DDX4: variants seen among roughly 807,000 people sequenced by gnomAD.
DDX4 encodes probable ATP-dependent RNA helicase DDX4.
Under a neutral mutation model 100.0 loss-of-function variants are expected in DDX4, and 25 were observed. The observed-to-expected ratio is 0.25, with a 90% confidence interval of 0.18 to 0.35. The LOEUF is 0.35. Among genes scored for constraint, DDX4 ranks in the 10% least tolerant of loss-of-function variants. The pLI, the probability that DDX4 is intolerant of heterozygous loss-of-function variation, is 1.00. For missense variants in DDX4, 635 were observed against 882.4 expected, an observed-to-expected ratio of 0.72 and a Z score of 3.55; for synonymous variants, 259 against 275.7, an observed-to-expected ratio of 0.94 and a Z score of 0.60.
At chr5:55,768,950 C>G (rs187200250) in intron 7 of DDX4, among the ~76,000 whole-genome samples, 3 of 152,242 alleles carry the variant, frequency 2.0e-5, no homozygotes, top group African/African-American at 7.2e-5. Flanking sequence ...TGTCCATTGT[C>G]CACTTTTTAA....
rs146695169 is a variant in DDX4, at chr5:55,755,205, C to T, written c.128-4995C>T. 4.8e-3 allele frequency among the ~76,000 whole-genome samples: 727 copies of T among 152,164 alleles called. 3 individuals carry two copies. The highest frequency in any genetic ancestry group is 8.3e-3 in the Non-Finnish European group (567 of 67,976). On this transcript the variant is annotated intron_variant, in intron 3 of 21. Coordinates refer to ENST00000505374, the MANE Select transcript of DDX4 (RefSeq NM_024415.3). ...TTGGATAAAATCTACAGTTCATTGA[C>T]GAGTAGTAGAAATAACAAACATCTA... is the stretch of plus-strand genomic sequence containing the variant.
intron 18 of DDX4, among the ~76,000 whole-genome samples, chr5:55,807,618 G>A (rs1041486770): frequency 6.6e-6 from 1 of 152,150 alleles, no homozygotes; most frequent in Admixed American, 6.6e-5. Context: ...CTGGGTTGCA[G>A]ATTCTTTTCT....
chr5:55,778,692 C>T (rs978099894), intron 7 of DDX4, among the ~76,000 whole-genome samples: 1 of 151,916 alleles, frequency 6.6e-6, no homozygotes, highest in African/African-American at 2.4e-5. Flanking sequence ...TCAGGAGTTC[C>T]AGACCAGCCT....
intron 16 of DDX4, among the ~76,000 whole-genome samples, chr5:55,792,085 C>A (rs539397146): frequency 4.2e-4 from 59 of 140,280 alleles, no homozygotes; most frequent in Non-Finnish European, 8.0e-4. Context: ...GCTTGTGCCA[C>A]TGCACTCCAG....
intron 18 of DDX4, among the ~76,000 whole-genome samples, chr5:55,810,820 T>TTG (rs1258649224): frequency 6.6e-6 from 1 of 152,074 alleles, no homozygotes; most frequent in Non-Finnish European, 1.5e-5. Flanking sequence ...ACAAAAGGAG[T>TTG]TGTCAGAGGA....
intron 18 of DDX4, among the ~76,000 whole-genome samples, chr5:55,805,232 A>G (rs1743615974): frequency 6.6e-6 from 1 of 152,070 alleles, no homozygotes. Context: ...GGCTGAGACG[A>G]TGGGGTTTTC....
intron 14 of DDX4, 125 bp downstream of exon 14, chr5:55,786,795 A>T: frequency 1.4e-6 from 1 of 729,376 alleles, no homozygotes. Flanking sequence ...ATAAGTATTG[A>T]TGGTTTTGCT....
At chr5:55,802,046 A>G (rs776808942) in intron 18 of DDX4, among the ~76,000 whole-genome samples, 5 of 152,184 alleles carry the variant, frequency 3.3e-5, no homozygotes, top group Non-Finnish European at 5.9e-5. Flanking sequence ...CATTGGTTCC[A>G]TAAGGAAAGC....
rs1293690721 is a variant in DDX4 at position 55,785,337 on chromosome 5, T to C, written c.666T>C (p.Ser222=). 1 of 1,605,486 alleles carries C rather than the reference T, an allele frequency of 6.2e-7. No individual in the cohort carries two copies. The highest frequency in any genetic ancestry group is 2.2e-5 in the East Asian group (1 of 44,742). ...KGLNEEVITG[S]GKNSWKSEAE... is the part of the protein sequence containing the mutation. ...TAAATGAAGAAGTAATAACAGGCTCTGGAAAGAGTAAGTTTTCCTTAAACA... is the reference window on the plus strand; with the variant it reads ...TAAATGAAGAAGTAATAACAGGCTCCGGAAAGAGTAAGTTTTCCTTAAACA... The change falls in exon 11 of 22, where the codon TCT becomes TCC. Residue 222 remains serine, a synonymous_variant. Transcript: ENST00000505374.
intron 14 of DDX4, 42 bp downstream of exon 14, chr5:55,786,712 G>A (rs780763327): frequency 5.8e-6 from 9 of 1,545,856 alleles, no homozygotes; most frequent in Non-Finnish European, 7.1e-6. Context: ...GGTTTTTTGA[G>A]CTTTGGTTCT....
At chr5:55,774,214 C>T (rs1217755006) in intron 7 of DDX4, among the ~76,000 whole-genome samples, 1 of 151,524 alleles carries the variant, frequency 6.6e-6, no homozygotes, top group African/African-American at 2.4e-5. Context: ...TGCAGTGGCA[C>T]AGTCATGGTT....
chr5:55,816,411 T>C, intron 21 of DDX4, 52 bp from the exon 22 acceptor site: 1 of 1,539,594 alleles, frequency 6.5e-7, no homozygotes, highest in Non-Finnish European at 8.7e-7. Context: ...AAAGCTGTCA[T>C]AAAATTAAAT....
At chr5:55,806,788 G>T (rs141560959) in intron 18 of DDX4, among the ~76,000 whole-genome samples, 6 of 152,298 alleles carry the variant, frequency 3.9e-5, no homozygotes, top group Non-Finnish European at 8.8e-5. Flanking sequence ...GTGCTGAGAA[G>T]ACTGTATATT....
At chr5:55,754,243 C>G (rs950412932) in intron 3 of DDX4, among the ~76,000 whole-genome samples, 2 of 150,666 alleles carry the variant, frequency 1.3e-5, no homozygotes, top group African/African-American at 4.9e-5. Context: ...GCATCCCTGT[C>G]TTGTGCCTGT....
At chr5:55,748,550 ATCAT>A (rs1377530397) in intron 3 of DDX4, among the ~76,000 whole-genome samples, 1 of 152,096 alleles carries the variant, frequency 6.6e-6, no homozygotes, top group Non-Finnish European at 1.5e-5. Context: ...ATGAAATGAA[ATCAT>A]TAATGAAAAT....
chr5:55,778,555 A>G (rs188139826), intron 7 of DDX4, among the ~76,000 whole-genome samples: 1 of 152,338 alleles, frequency 6.6e-6, no homozygotes, highest in Non-Finnish European at 1.5e-5. Context: ...TCAGCAGTAA[A>G]AGAAAATGAG....
chr5:55,764,593 G>A (rs1740772804), intron 6 of DDX4, among the ~76,000 whole-genome samples: 1 of 152,148 alleles, frequency 6.6e-6, no homozygotes. Flanking sequence ...GTCGATTTGG[G>A]TGAGGTCTTA....
chr5:55,781,493 G>C (rs550364738), intron 9 of DDX4, among the ~76,000 whole-genome samples: 2 of 152,212 alleles, frequency 1.3e-5, no homozygotes, highest in East Asian at 1.9e-4. Flanking sequence ...GTTAAACCTA[G>C]AGGCCGGGCG....
chr5:55,769,574 C>G (rs986071939), intron 7 of DDX4, among the ~76,000 whole-genome samples: 8 of 152,126 alleles, frequency 5.3e-5, no homozygotes, highest in African/African-American at 1.7e-4. Context: ...GCATTCCTAT[C>G]CACTATATTG....
Sources: allele counts gnomAD v4.1 joint callset (sites outside exome capture counted in the v4.1 genomes callset), GRCh38; gene constraint gnomAD v4.1.1; transcripts MANE v1.5; gene names NCBI Gene and HGNC (gene_info 2026-07-23, HGNC 2026-07-21).